The following COL19A1 variants were observed in gnomAD, a reference collection of about 807,000 sequenced individuals.
The protein encoded by COL19A1 is collagen type XIX alpha 1 chain, also known as collagen alpha-1(XIX) chain.
COL19A1 carries 159 observed loss-of-function variants against 190.2 expected under a neutral mutation model. That is an observed-to-expected ratio of 0.84 (90% CI 0.73 to 0.95). COL19A1 has a LOEUF of 0.95. Ranked by LOEUF, COL19A1 falls within the 40% of genes least tolerant of loss-of-function variation. The pLI, the probability that COL19A1 is intolerant of heterozygous loss-of-function variation, is 0.00. For missense variants in COL19A1, 1,418 were observed against 1,431.9 expected, an observed-to-expected ratio of 0.99 and a Z score of 0.16; for synonymous variants, 509 against 458.9, an observed-to-expected ratio of 1.11 and a Z score of -1.39.
intron 6 of COL19A1, among the ~76,000 whole-genome samples, chr6:69,930,219 G>T (rs1272467610): frequency 6.6e-6 from 1 of 152,010 alleles, no homozygotes; most frequent in African/African-American, 2.4e-5. Context: ...TGTATTAGTA[G>T]GTCATTTGAA....
At chr6:70,060,918 T>G (rs1325291258) in intron 14 of COL19A1, among the ~76,000 whole-genome samples, 1 of 152,048 alleles carries the variant, frequency 6.6e-6, no homozygotes, top group Non-Finnish European at 1.5e-5. Flanking sequence ...GAGCTCACGG[T>G]CAACTAAAAG....
chr6:70,023,928 CA>C lies in COL19A1; in HGVS notation c.1080+251del, dbSNP rs1177840613. ...CTTTCTCCTTGACGTTTCTTGCTTG[CA>C]AATTTTCTAGTCTTTTTTTTCTGTC... On this transcript the variant is annotated intron_variant, in intron 12 of 50. Transcript: ENST00000620364. Among the ~76,000 whole-genome samples the C allele has an allele frequency of 2.0e-5, 3 of 152,150 alleles. No homozygotes were observed. The East Asian group carries it at 5.8e-4, about 29-fold the overall frequency.
chr6:69,921,491 T>TATATATTCATATATTC (rs1254780785), intron 4 of COL19A1, among the ~76,000 whole-genome samples: 2 of 113,588 alleles, frequency 1.8e-5, no homozygotes, highest in Admixed American at 9.4e-5. Flanking sequence ...TATATATTCA[T>TATATATTCATATATTC]ATATATTCAT....
chr6:70,035,765 G>A (rs1402800047), intron 13 of COL19A1, 139 bp from the exon 14 acceptor site: 3 of 640,260 alleles, frequency 4.7e-6, no homozygotes, highest in Non-Finnish European at 8.1e-6. Flanking sequence ...TTTATGCAGA[G>A]ACTTTTATCA....
chr6:69,891,978 A>T (rs1769382702), intron 2 of COL19A1, among the ~76,000 whole-genome samples: 1 of 151,898 alleles, frequency 6.6e-6, no homozygotes, highest in Admixed American at 6.6e-5. Context: ...AGTTGCATGG[A>T]CTCCTTATCA....
intron 31 of COL19A1, among the ~76,000 whole-genome samples, chr6:70,151,978 C>T (rs1479637597): frequency 2.0e-5 from 3 of 151,768 alleles, no homozygotes; most frequent in Non-Finnish European, 4.4e-5. Context: ...ATAAAAATCA[C>T]CTCTACCTAT....
chr6:69,956,478 A>G lies in COL19A1; in HGVS notation c.937-3518A>G, dbSNP rs1440407644. The stretch of plus-strand genomic sequence containing the variant: ...CTCCCCTTGAAATAAAAGCATTCAG[A>G]TTGGATATCTGAAAAAAATTTAAAA... On this transcript the variant is annotated intron_variant, in intron 9 of 50. Transcript: ENST00000620364. Among the ~76,000 whole-genome samples the G allele has an allele frequency of 6.6e-5, 10 of 152,078 alleles. No individual in the cohort carries two copies. The East Asian group carries it at 1.9e-3, about 29-fold the overall frequency.
intron 14 of COL19A1, among the ~76,000 whole-genome samples, chr6:70,045,307 T>C: frequency 8.1e-6 from 1 of 124,200 alleles, no homozygotes; most frequent in East Asian, 2.3e-4. Context: ...AGCGAGACTC[T>C]GTCTCAAAAA....
intron 14 of COL19A1, among the ~76,000 whole-genome samples, chr6:70,065,903 A>T (rs1405354675): frequency 6.6e-6 from 1 of 152,224 alleles, no homozygotes; most frequent in Non-Finnish European, 1.5e-5. Flanking sequence ...TCAAAACCAC[A>T]ATGAGATATT....
chr6:70,163,067 A>G (rs1787904050), intron 35 of COL19A1, among the ~76,000 whole-genome samples: 1 of 152,224 alleles, frequency 6.6e-6, no homozygotes, highest in Non-Finnish European at 1.5e-5. Flanking sequence ...TTAAACAGCA[A>G]GACTAGATTC....
At chr6:69,919,639 A>G (rs1349655801) in intron 4 of COL19A1, among the ~76,000 whole-genome samples, 1 of 152,174 alleles carries the variant, frequency 6.6e-6, no homozygotes, top group Non-Finnish European at 1.5e-5. Context: ...GGACAAATAT[A>G]ATTCATTCTT....
rs576353276 is a variant in COL19A1 at position 69,937,029 on chromosome 6, C to T, written c.873+119C>T. ...CATTCAGTGTTTGTTGAAGTAAATA[C>T]CTCAGTTACTGGGGTGGGTTAAGAA... On this transcript the variant is annotated intron_variant, in intron 8 of 50. Coordinates refer to ENST00000620364, the MANE Select transcript of COL19A1 (RefSeq NM_001858.6). The T allele has an allele frequency of 5.2e-6, 7 of 1,351,764 alleles. No homozygotes were observed. The South Asian group carries it at 7.5e-5, about 14-fold the overall frequency. The allele number at this position is 1,351,764 out of a possible 1,614,324, so 83.7% of individuals were successfully genotyped here.
intron 17 of COL19A1, among the ~76,000 whole-genome samples, chr6:70,128,976 G>A (rs758330580): frequency 4.6e-5 from 7 of 152,156 alleles, no homozygotes; most frequent in Non-Finnish European, 4.4e-5. Context: ...TGAGAAAGAC[G>A]TTCCCAGATT....
intron 48 of COL19A1, among the ~76,000 whole-genome samples, chr6:70,193,499 C>T (rs78564138): frequency 6.6e-6 from 1 of 152,194 alleles, no homozygotes; most frequent in South Asian, 2.1e-4. Flanking sequence ...GGCTTCACAC[C>T]CATCTCTCTT....
At chr6:69,887,254 T>G (rs1769007664) in intron 2 of COL19A1, among the ~76,000 whole-genome samples, 1 of 152,244 alleles carries the variant, frequency 6.6e-6, no homozygotes, top group Non-Finnish European at 1.5e-5. Context: ...GGGGCTTCCC[T>G]ACATACATTG....
intron 10 of COL19A1, 95 bp downstream of exon 10, chr6:69,960,135 T>C (rs961625039): frequency 1.2e-5 from 15 of 1,218,460 alleles, no homozygotes; most frequent in Middle Eastern, 2.5e-4. Context: ...TTGATTAAGC[T>C]GAATTCACTC....
intron 12 of COL19A1, among the ~76,000 whole-genome samples, chr6:70,027,366 A>G (rs1778782913): frequency 6.6e-6 from 1 of 152,220 alleles, no homozygotes; most frequent in African/African-American, 2.4e-5. Context: ...GGTAGTATGT[A>G]GCAATTCAGT....
intron 18 of COL19A1, among the ~76,000 whole-genome samples, chr6:70,136,646 T>G (rs765268508): frequency 3.6e-4 from 55 of 152,150 alleles, no homozygotes; most frequent in Non-Finnish European, 6.8e-4. Flanking sequence ...AAAATATAAA[T>G]ACTAAATTCT....
chr6:70,142,676 G>C, intron 22 of COL19A1, 91 bp from the exon 23 acceptor site: 1 of 1,148,898 alleles, frequency 8.7e-7, no homozygotes, highest in Non-Finnish European at 1.3e-6. Context: ...TATACATGAA[G>C]ATCACACTAT....
Sources: allele counts gnomAD v4.1 joint callset (sites outside exome capture counted in the v4.1 genomes callset), GRCh38; gene constraint gnomAD v4.1.1; transcripts MANE v1.5; gene names NCBI Gene and HGNC (gene_info 2026-07-23, HGNC 2026-07-21).